CNTN1: variants seen among roughly 807,000 people sequenced by gnomAD.
CNTN1 encodes contactin 1, also known as contactin-1.
A neutral mutation model predicts 126.4 loss-of-function variants in CNTN1; 38 were observed. The observed-to-expected ratio is 0.30, with a 90% CI of 0.23 to 0.39. The LOEUF is 0.39. Ranked by LOEUF, CNTN1 falls within the 10% of genes least tolerant of loss-of-function variation. The pLI is 1.00. For synonymous variants in CNTN1, 413 were observed against 422.6 expected (o/e 0.98, Z 0.28); for missense variants, 1,009 against 1,248.4 (o/e 0.81, Z 2.89).
Position 41,070,271 on chromosome 12 carries a change from C to T in CNTN1, c.*236C>T. 1.8e-6 allele frequency: 1 copy of T among 552,718 alleles called. No homozygotes were observed. The highest frequency in any genetic ancestry group is 2.0e-5 in the South Asian group (1 of 50,076). 34.2% of individuals were successfully genotyped at this position (552,718 alleles called of 1,614,324 possible). On this transcript the variant is annotated 3_prime_UTR_variant, in exon 24 of 24. Transcript: ENST00000551295. Reference sequence around the variant, plus strand: ...TGATTTTTAACTCGTTCCAATATGCCTTATAAACCACTTAACCTGATTCTG... The same window carrying T: ...TGATTTTTAACTCGTTCCAATATGCTTTATAAACCACTTAACCTGATTCTG...
At chr12:41,017,748 G>A (rs186539763) in intron 19 of CNTN1, among the ~76,000 whole-genome samples, 1 of 152,128 alleles carries the variant, frequency 6.6e-6, no homozygotes, top group Admixed American at 6.5e-5. Flanking sequence ...TATTTTCTCT[G>A]ATTTCTGTTT....
chr12:40,873,909 A>T (rs913764598), intron 1 of CNTN1, among the ~76,000 whole-genome samples: 4 of 152,134 alleles, frequency 2.6e-5, no homozygotes, highest in African/African-American at 9.7e-5. Context: ...CCTTTAGTAC[A>T]TTACCTCTCA....
At chr12:40,742,078 TCAGA>T (rs1311735932) in intron 1 of CNTN1, among the ~76,000 whole-genome samples, 3 of 152,056 alleles carry the variant, frequency 2.0e-5, no homozygotes, top group African/African-American at 7.2e-5. Flanking sequence ...TTTTCTCAAG[TCAGA>T]CAAACTGACC....
intron 1 of CNTN1, among the ~76,000 whole-genome samples, chr12:40,724,607 T>C (rs746191454): frequency 6.6e-6 from 1 of 152,220 alleles, no homozygotes; most frequent in Non-Finnish European, 1.5e-5. Flanking sequence ...CAATACTCAG[T>C]ATTGAAAATG....
intron 1 of CNTN1, among the ~76,000 whole-genome samples, chr12:40,713,450 G>GTA (rs147636685): frequency 0.017 from 2,528 of 149,048 alleles, 73 homozygotes; most frequent in African/African-American, 0.056. Flanking sequence ...ACTAAATAAA[G>GTA]TATATATATA....
chr12:40,770,362 A>T (rs1421191147), intron 1 of CNTN1, among the ~76,000 whole-genome samples: 1 of 152,182 alleles, frequency 6.6e-6, no homozygotes, highest in Non-Finnish European at 1.5e-5. Context: ...AGTCTTTTCT[A>T]AAGGGCCAAC....
At chr12:40,788,235 C>T (rs1306593175) in intron 1 of CNTN1, among the ~76,000 whole-genome samples, 4 of 152,106 alleles carry the variant, frequency 2.6e-5, no homozygotes, top group Non-Finnish European at 5.9e-5. Context: ...ATTTCTGTCA[C>T]TATACACACA....
At chr12:40,850,846 T>C (rs1440567172) in intron 1 of CNTN1, among the ~76,000 whole-genome samples, 2 of 152,324 alleles carry the variant, frequency 1.3e-5, no homozygotes, top group African/African-American at 4.8e-5. Context: ...CAATTATAAA[T>C]GATCAGTCCC....
intron 1 of CNTN1, among the ~76,000 whole-genome samples, chr12:40,828,624 GCACGGCTGTGGCAT>G (rs1274028989): frequency 6.6e-6 from 1 of 152,178 alleles, no homozygotes; most frequent in Admixed American, 6.5e-5. Context: ...GGAAGTTTTA[GCACGGCTGTGGCAT>G]CGCGTTGGCT....
At chr12:40,773,303 T>C (rs1939418882) in intron 1 of CNTN1, among the ~76,000 whole-genome samples, 1 of 151,780 alleles carries the variant, frequency 6.6e-6, no homozygotes, top group Admixed American at 6.6e-5. Context: ...GCTTGGCACT[T>C]TTCGTTTTAG....
intron 16 of CNTN1, among the ~76,000 whole-genome samples, chr12:40,984,917 A>T (rs1947915762): frequency 6.6e-6 from 1 of 152,154 alleles, no homozygotes; most frequent in East Asian, 1.9e-4. Flanking sequence ...AAATAAGTTA[A>T]GAGAAGATAG....
chr12:40,965,988 CCTCATCACACCA>C (rs1438986700), intron 15 of CNTN1, among the ~76,000 whole-genome samples: 5 of 145,296 alleles, frequency 3.4e-5, no homozygotes, highest in African/African-American at 1.0e-4. Context: ...AGTATACACA[CCTCATCACACCA>C]CACACACACA....
At chr12:40,722,538 C>G (rs1942242639) in intron 1 of CNTN1, among the ~76,000 whole-genome samples, 1 of 152,112 alleles carries the variant, frequency 6.6e-6, no homozygotes, top group Non-Finnish European at 1.5e-5. Flanking sequence ...TGACAGTAAA[C>G]TCCACTCTCA....
At chr12:40,882,696 C>T (rs1943908320) in intron 1 of CNTN1, among the ~76,000 whole-genome samples, 1 of 151,586 alleles carries the variant, frequency 6.6e-6, no homozygotes, top group African/African-American at 2.4e-5. Flanking sequence ...AGTCCATCTT[C>T]ACTAAGCCCA....
chr12:41,051,495 TA>T (rs1949681040), intron 23 of CNTN1, among the ~76,000 whole-genome samples: 1 of 151,964 alleles, frequency 6.6e-6, no homozygotes, highest in Admixed American at 6.6e-5. Flanking sequence ...AATTGTACTT[TA>T]GTCTTATGCT....
chr12:40,816,255 A>G (rs1157386833), intron 1 of CNTN1, among the ~76,000 whole-genome samples: 4 of 152,288 alleles, frequency 2.6e-5, no homozygotes, highest in African/African-American at 9.6e-5. Context: ...TTCTGGTAGA[A>G]TTCAGCTGTG....
At chr12:40,805,128 T>C (rs1206873355) in intron 1 of CNTN1, among the ~76,000 whole-genome samples, 1 of 152,058 alleles carries the variant, frequency 6.6e-6, no homozygotes, top group African/African-American at 2.4e-5. Context: ...TGTATCTATG[T>C]GTTGTATTTG....
intron 4 of CNTN1, 24 bp downstream of exon 4, chr12:40,918,795 C>T: frequency 6.2e-7 from 1 of 1,612,784 alleles, no homozygotes; most frequent in Non-Finnish European, 8.5e-7. Flanking sequence ...CTTCTCTTTT[C>T]AGAGTGGAGT....
chr12:40,947,848 C>T (rs1280420655), intron 14 of CNTN1, among the ~76,000 whole-genome samples: 2 of 147,692 alleles, frequency 1.4e-5, no homozygotes, highest in Admixed American at 6.8e-5. Context: ...ACTCTTATTA[C>T]AAATACATGT....
Sources: allele counts gnomAD v4.1 joint callset (sites outside exome capture counted in the v4.1 genomes callset), GRCh38; gene constraint gnomAD v4.1.1; transcripts MANE v1.5; gene names NCBI Gene and HGNC (gene_info 2026-07-23, HGNC 2026-07-21).